Variants in CCSER2 observed in about 807,000 individuals in gnomAD.
CCSER2 encodes the protein serine-rich coiled-coil domain-containing protein 2.
A neutral mutation model predicts 92.3 loss-of-function variants in CCSER2; 46 were observed. The observed-to-expected ratio is 0.50, with a 90% CI of 0.39 to 0.64. The LOEUF (loss-of-function observed/expected upper bound fraction) is 0.64, where lower values mean the gene tolerates loss of function less well. Ranked by LOEUF, CCSER2 falls within the 30% of genes least tolerant of loss-of-function variation. The pLI, the probability that CCSER2 is intolerant of heterozygous loss-of-function variation, is 0.00. For missense variants in CCSER2, 1,244 were observed against 1,238.9 expected (o/e 1.00, Z -0.06); for synonymous variants, 433 against 431.4 (o/e 1.00, Z -0.04).
intron 1 of CCSER2, among the ~76,000 whole-genome samples, chr10:84,334,195 G>T (rs11200996): frequency 0.076 from 11,567 of 152,090 alleles, 481 homozygotes; most frequent in South Asian, 0.17. Flanking sequence ...GGTGTGCCCT[G>T]CTGTCATAAG....
intron 9 of CCSER2, among the ~76,000 whole-genome samples, chr10:84,497,748 CACCTAA>C (rs1271848558): frequency 6.6e-6 from 1 of 152,170 alleles, no homozygotes; most frequent in African/African-American, 2.4e-5. Context: ...CAGATACTTT[CACCTAA>C]ATTATTTCAG....
rs769278323 is a variant in CCSER2, at chr10:84,371,712, G to T, written c.660G>T (p.Arg220Ser). ...SKSINCEKMV[R>S]SQSFSHSIQN... ...CTATTAATTGTGAAAAAATGGTAAG[G>T]TCACAAAGTTTTTCACATTCCATTC... Residue 220 changes from arginine to serine, a missense_variant, in exon 2 of 10, where the codon AGG (arginine) becomes AGT (serine). Arg to Ser is a moderately radical substitution (Grantham distance 110). Transcript: ENST00000372088. The T allele has an allele frequency of 6.2e-7, 1 of 1,613,410 alleles. No homozygotes were observed. The highest frequency in any genetic ancestry group is 8.5e-7 in the Non-Finnish European group (1 of 1,179,830).
chr10:84,335,352 CCAACCTGTACT>C (rs1396314346), intron 1 of CCSER2, among the ~76,000 whole-genome samples: 9 of 149,568 alleles, frequency 6.0e-5, no homozygotes, highest in African/African-American at 2.2e-4. Flanking sequence ...CCTTGGCTTC[CCAACCTGTACT>C]CAACCTGTAG....
intron 3 of CCSER2, among the ~76,000 whole-genome samples, chr10:84,377,334 G>T (rs1846391709): frequency 6.6e-6 from 1 of 152,028 alleles, no homozygotes; most frequent in Non-Finnish European, 1.5e-5. Flanking sequence ...CCTTTTACCT[G>T]TAGGTCTCTA....
chr10:84,356,526 A>AT (rs869132942), intron 1 of CCSER2, among the ~76,000 whole-genome samples: 1 of 152,140 alleles, frequency 6.6e-6, no homozygotes, highest in Non-Finnish European at 1.5e-5. Flanking sequence ...GTAATTTAGT[A>AT]TTTTTTTAAA....
chr10:84,477,707 A>C, intron 9 of CCSER2, 43 bp downstream of exon 9: 1 of 1,070,810 alleles, frequency 9.3e-7, no homozygotes, highest in South Asian at 1.4e-5. Flanking sequence ...GTCATTTGCT[A>C]TTTTGATGTT....
At chr10:84,340,242 A>G (rs1231620957) in intron 1 of CCSER2, among the ~76,000 whole-genome samples, 1 of 152,128 alleles carries the variant, frequency 6.6e-6, no homozygotes, top group Non-Finnish European at 1.5e-5. Context: ...CCTTCATTAT[A>G]TTCTGTTACT....
intron 4 of CCSER2, among the ~76,000 whole-genome samples, chr10:84,423,934 GC>G (rs1432670598): frequency 6.7e-6 from 1 of 148,586 alleles, no homozygotes; most frequent in Non-Finnish European, 1.5e-5. Context: ...ATCCCTTGAG[GC>G]CAGGATTTTG....
At chr10:84,380,144 G>A (rs1339518162) in intron 3 of CCSER2, among the ~76,000 whole-genome samples, 1 of 152,176 alleles carries the variant, frequency 6.6e-6, no homozygotes, top group African/African-American at 2.4e-5. Flanking sequence ...CTTATCATCT[G>A]AACCCCATAT....
At chr10:84,374,113 G>GT in intron 3 of CCSER2, 1 of 526,460 alleles carries the variant, frequency 1.9e-6, no homozygotes, top group Non-Finnish European at 3.1e-6. Context: ...GGGGGAGGAG[G>GT]TCAATGACTG....
chr10:84,500,366 G>A (rs911585245), intron 9 of CCSER2, among the ~76,000 whole-genome samples: 4 of 152,166 alleles, frequency 2.6e-5, no homozygotes, highest in African/African-American at 9.7e-5. Flanking sequence ...TGGGGAGCAG[G>A]CTTACTAGAC....
chr10:84,422,338 G>A (rs1843191215), intron 4 of CCSER2, among the ~76,000 whole-genome samples: 2 of 152,164 alleles, frequency 1.3e-5, no homozygotes, highest in African/African-American at 4.8e-5. Flanking sequence ...CACTTGCGGG[G>A]TCTAAGGTTG....
At chr10:84,375,301 GAA>G (rs914141047) in intron 3 of CCSER2, among the ~76,000 whole-genome samples, 102 of 152,112 alleles carry the variant, frequency 6.7e-4, no homozygotes, top group African/African-American at 2.2e-3. Flanking sequence ...GGTATGGGAA[GAA>G]AAAAACATCC....
intron 3 of CCSER2, among the ~76,000 whole-genome samples, chr10:84,388,185 A>G (rs748309093): frequency 2.6e-5 from 4 of 152,280 alleles, no homozygotes; most frequent in Admixed American, 6.5e-5. Flanking sequence ...TCATTTTCTG[A>G]TGTTTATGCC....
chr10:84,484,612 C>G (rs1429418256), intron 9 of CCSER2, among the ~76,000 whole-genome samples: 1 of 152,048 alleles, frequency 6.6e-6, no homozygotes, highest in Non-Finnish European at 1.5e-5. Flanking sequence ...GAGAAAATCA[C>G]ATATACATTG....
At chr10:84,447,856 C>T (rs1166166144) in intron 6 of CCSER2, among the ~76,000 whole-genome samples, 1 of 152,066 alleles carries the variant, frequency 6.6e-6, no homozygotes, top group African/African-American at 2.4e-5. Context: ...GTCACCCAGG[C>T]TGGGCAGTGG....
At chr10:84,444,163 A>G (rs1414796907) in intron 6 of CCSER2, among the ~76,000 whole-genome samples, 1 of 152,144 alleles carries the variant, frequency 6.6e-6, no homozygotes, top group South Asian at 2.1e-4. Context: ...AAAATGTAGG[A>G]TGCTAGAGAA....
At chr10:84,383,340 TCC>T (rs1308537337) in intron 3 of CCSER2, among the ~76,000 whole-genome samples, 4 of 152,144 alleles carry the variant, frequency 2.6e-5, no homozygotes, top group Non-Finnish European at 5.9e-5. Flanking sequence ...AGATGGCGTC[TCC>T]CTCTGTCTCC....
intron 7 of CCSER2, among the ~76,000 whole-genome samples, chr10:84,465,303 T>A (rs553129645): frequency 6.7e-6 from 1 of 149,192 alleles, no homozygotes; most frequent in Non-Finnish European, 1.5e-5. Context: ...AAAAGTTTTT[T>A]ACATGTAAAG....
Sources: gnomAD v4.1 joint callset for allele counts (sites outside exome capture counted in the v4.1 genomes callset) on GRCh38, gnomAD v4.1.1 for gene constraint, MANE v1.5 for transcripts, NCBI Gene and HGNC (gene_info 2026-07-23, HGNC 2026-07-21) for gene names.